DCC: variants seen among roughly 807,000 people sequenced by gnomAD.
DCC encodes the protein DCC netrin 1 receptor, also known as netrin receptor DCC.
A neutral mutation model predicts 172.5 loss-of-function variants in DCC; 58 were observed. The ratio of observed to expected loss-of-function variants is 0.34; its 90% CI spans 0.27 to 0.42. The LOEUF (loss-of-function observed/expected upper bound fraction) is 0.42. Among genes scored for constraint, DCC ranks in the 10% least tolerant of loss-of-function variants. The pLI, the probability that DCC is intolerant of heterozygous loss-of-function variation, is 1.00. For missense variants in DCC, 1,740 were observed against 1,791.0 expected, an observed-to-expected ratio of 0.97 and a Z score of 0.51; for synonymous variants, 709 against 644.5, an observed-to-expected ratio of 1.10 and a Z score of -1.52.
intron 22 of DCC, among the ~76,000 whole-genome samples, chr18:53,447,981 T>C (rs1211213845): frequency 6.6e-6 from 1 of 151,948 alleles, no homozygotes; most frequent in African/African-American, 2.4e-5. Flanking sequence ...AAGAGTCAAC[T>C]TATAGTAGAA....
At chr18:53,225,256 A>C (rs2056008419) in intron 12 of DCC, among the ~76,000 whole-genome samples, 1 of 152,176 alleles carries the variant, frequency 6.6e-6, no homozygotes. Flanking sequence ...TTTGCTCTGA[A>C]GTGGAGTGAA....
chr18:53,017,369 C>T lies in DCC; in HGVS notation c.986-45936C>T, dbSNP rs562754272. ...TATGCCACTAGTCATTCTAAAGGAA[C>T]ATATAATTTAAGCAAGAAATGTCTT... On this transcript the variant is annotated intron_variant, in intron 5 of 28. Coordinates refer to ENST00000442544, the MANE Select transcript of DCC (RefSeq NM_005215.4). Among the ~76,000 whole-genome samples the T allele has an allele frequency of 4.6e-5, 7 of 152,258 alleles. No individual in the cohort carries two copies. In the South Asian group the frequency reaches 1.4e-3, roughly 32 times the overall value.
chr18:52,691,752 T>C (rs570454476), intron 1 of DCC, among the ~76,000 whole-genome samples: 162 of 152,252 alleles, frequency 1.1e-3, no homozygotes, highest in African/African-American at 3.4e-3. Flanking sequence ...GAAACACCAT[T>C]GTACGGGGCA....
chr18:52,613,169 G>A (rs2034306749), intron 1 of DCC, among the ~76,000 whole-genome samples: 1 of 152,192 alleles, frequency 6.6e-6, no homozygotes, highest in Middle Eastern at 3.2e-3. Context: ...TGTATCTCAT[G>A]GGATGATCAC....
At chr18:52,553,843 C>A (rs2032841234) in intron 1 of DCC, among the ~76,000 whole-genome samples, 1 of 151,982 alleles carries the variant, frequency 6.6e-6, no homozygotes, top group Admixed American at 6.6e-5. Flanking sequence ...ATAAAAACAG[C>A]ACATGCAAAG....
intron 5 of DCC, among the ~76,000 whole-genome samples, chr18:52,999,412 G>A (rs1308390668): frequency 1.3e-5 from 2 of 152,012 alleles, no homozygotes; most frequent in Admixed American, 6.6e-5. Context: ...CTTCATTTGT[G>A]GAGGGATTTG....
chr18:52,834,368 G>A (rs2038666822), intron 2 of DCC, among the ~76,000 whole-genome samples: 1 of 152,170 alleles, frequency 6.6e-6, no homozygotes, highest in African/African-American at 2.4e-5. Flanking sequence ...GCATTGTTTG[G>A]GAACTTGCTA....
intron 12 of DCC, among the ~76,000 whole-genome samples, chr18:53,297,749 A>G (rs2057085008): frequency 6.6e-6 from 1 of 152,210 alleles, no homozygotes; most frequent in Non-Finnish European, 1.5e-5. Flanking sequence ...TAAGAAAAGA[A>G]TGCCTGAATG....
chr18:52,814,206 G>C (rs944750372), intron 2 of DCC, among the ~76,000 whole-genome samples: 3 of 152,226 alleles, frequency 2.0e-5, no homozygotes, highest in Admixed American at 2.0e-4. Context: ...TCCTAGCCCT[G>C]TGAGTCAAGC....
intron 2 of DCC, among the ~76,000 whole-genome samples, chr18:52,875,520 G>A (rs1186927866): frequency 2.0e-5 from 3 of 152,272 alleles, no homozygotes; most frequent in East Asian, 3.9e-4. Flanking sequence ...ACGTAGAATG[G>A]TGGTCTCAAG....
At chr18:52,425,991 C>T (rs1210325102) in intron 1 of DCC, among the ~76,000 whole-genome samples, 3 of 152,096 alleles carry the variant, frequency 2.0e-5, no homozygotes, top group Non-Finnish European at 4.4e-5. Context: ...ACATTAGGCT[C>T]AAGATCTCAC....
At chr18:53,495,898 C>T (rs1424469913) in intron 26 of DCC, among the ~76,000 whole-genome samples, 1 of 152,070 alleles carries the variant, frequency 6.6e-6, no homozygotes, top group Non-Finnish European at 1.5e-5. Flanking sequence ...CCCAAGCTGG[C>T]TCTCTAGATT....
chr18:53,083,688 C>T (rs1415544222), intron 7 of DCC, among the ~76,000 whole-genome samples: 4 of 152,104 alleles, frequency 2.6e-5, no homozygotes, highest in African/African-American at 9.7e-5. Context: ...TAGAGAGCAT[C>T]ATGTGAAAAA....
intron 5 of DCC, among the ~76,000 whole-genome samples, chr18:52,966,902 G>A (rs8097721): frequency 0.14 from 21,061 of 152,162 alleles, 1,722 homozygotes; most frequent in East Asian, 0.33. Context: ...GGCTTAAGTC[G>A]TTGACATGCG....
intron 5 of DCC, among the ~76,000 whole-genome samples, chr18:52,999,963 T>G (rs1204651254): frequency 6.6e-6 from 1 of 151,908 alleles, no homozygotes; most frequent in African/African-American, 2.4e-5. Flanking sequence ...GAAGGCCATG[T>G]GATGAAAGAA....
chr18:53,071,532 C>G (rs1024247915), intron 7 of DCC, among the ~76,000 whole-genome samples: 20 of 152,146 alleles, frequency 1.3e-4, no homozygotes, highest in African/African-American at 4.8e-4. Flanking sequence ...CTCTATAGAA[C>G]ACATGCACAA....
intron 1 of DCC, among the ~76,000 whole-genome samples, chr18:52,651,065 C>T (rs1041349359): frequency 1.3e-5 from 2 of 152,154 alleles, no homozygotes; most frequent in African/African-American, 4.8e-5. Context: ...TCACCTCCTA[C>T]CTTTCCCTCC....
intron 1 of DCC, among the ~76,000 whole-genome samples, chr18:52,639,286 G>A (rs1307515468): frequency 6.6e-6 from 1 of 151,930 alleles, no homozygotes; most frequent in East Asian, 1.9e-4. Flanking sequence ...CCCAAATCAA[G>A]CAGAAGAGAG....
At chr18:52,623,694 T>G (rs757735400) in intron 1 of DCC, among the ~76,000 whole-genome samples, 2 of 151,922 alleles carry the variant, frequency 1.3e-5, no homozygotes, top group South Asian at 2.1e-4. Flanking sequence ...GATAATACCT[T>G]GTGTAGCATT....
Sources: allele counts gnomAD v4.1 joint callset (sites outside exome capture counted in the v4.1 genomes callset), GRCh38; gene constraint gnomAD v4.1.1; transcripts MANE v1.5; gene names NCBI Gene and HGNC (gene_info 2026-07-23, HGNC 2026-07-21).